ZNF540: variants seen among roughly 807,000 people sequenced by gnomAD.
ZNF540 encodes CTD-3064H18.6.
ZNF540 carries 3 observed loss-of-function variants against 11.8 expected under a neutral mutation model. The observed-to-expected ratio is 0.25, with a 90% confidence interval of 0.12 to 0.65. The LOEUF (loss-of-function observed/expected upper bound fraction) is 0.65, where lower values mean the gene tolerates loss of function less well. Among genes scored for constraint, ZNF540 ranks in the 30% least tolerant of loss-of-function variants. ZNF540 has a pLI of 0.83. For synonymous variants in ZNF540, 247 were observed against 259.0 expected (o/e 0.95, Z 0.45); for missense variants, 709 against 793.1 (o/e 0.89, Z 1.27).
At chr19:37,555,593 T>TG (rs1365855626) in intron 1 of ZNF540, 5 of 335,764 alleles carry the variant, frequency 1.5e-5, no homozygotes, top group Admixed American at 9.0e-5. Flanking sequence ...CTCGAACTTT[T>TG]GGAGTGTATC....
intron 1 of ZNF540, among the ~76,000 whole-genome samples, chr19:37,582,116 A>G (rs895917396): frequency 8.5e-5 from 13 of 152,162 alleles, no homozygotes; most frequent in Non-Finnish European, 1.5e-5. Context: ...GGGTTCCTCA[A>G]ATGGGCCTTC....
At chr19:37,551,855 A>G (rs2042609621) in intron 1 of ZNF540, among the ~76,000 whole-genome samples, 1 of 151,192 alleles carries the variant, frequency 6.6e-6, no homozygotes, top group Non-Finnish European at 1.5e-5. Context: ...TGTCTGGTGA[A>G]AAGAATGTGT....
chr19:37,575,324 A>G (rs2043206511), intron 1 of ZNF540, among the ~76,000 whole-genome samples: 2 of 152,248 alleles, frequency 1.3e-5, no homozygotes, highest in South Asian at 4.1e-4. Context: ...CATGCATATA[A>G]GCATATACAT....
At position 37,565,268 on chromosome 19, in the gene ZNF540, C is replaced by G. The variant is rs145916801; in HGVS notation, c.-73+13603C>G. On this transcript the variant is annotated intron_variant, in intron 1 of 4. Coordinates refer to the ZNF540 transcript ENST00000592533. ...TTCTTTGCATTTATAAGGTCTCTCACCTGAATGAACTCTCAGGTGGTAAGT... is the reference window on the plus strand; with the variant it reads ...TTCTTTGCATTTATAAGGTCTCTCAGCTGAATGAACTCTCAGGTGGTAAGT... The G allele has an allele frequency of 7.8e-5, 126 of 1,611,300 alleles. No individual in the cohort carries two copies. The highest frequency in any genetic ancestry group is 2.2e-5 in the East Asian group (1 of 44,838).
chr19:37,597,139 A>G lies in ZNF540; in HGVS notation c.-72-1237A>G, dbSNP rs540423738. On this transcript the variant is annotated intron_variant, in intron 1 of 4. Coordinates refer to ENST00000316433, the MANE Select transcript of ZNF540 (RefSeq NM_001172225.3). ...TGTTCTAAGGATTAAATAGCTATAT[A>G]TAAGGTATGCATCACATAAAAGTTG... 7.9e-5 allele frequency among the ~76,000 whole-genome samples: 12 copies of G among 152,190 alleles called. No homozygotes were observed. In the East Asian group the frequency reaches 2.3e-3, roughly 29 times the overall value.
At chr19:37,604,920 A>T (rs1283495306) in intron 4 of ZNF540, among the ~76,000 whole-genome samples, 1 of 152,082 alleles carries the variant, frequency 6.6e-6, no homozygotes, top group Non-Finnish European at 1.5e-5. Flanking sequence ...TACTACTTCT[A>T]CTTCTGATAT....
At chr19:37,562,318 T>C (rs1600446532) in intron 1 of ZNF540, 1 of 151,534 alleles carries the variant, frequency 6.6e-6, no homozygotes, top group South Asian at 2.1e-4. Flanking sequence ...GGGGTGGAGG[T>C]TGCAATGAGC....
intron 1 of ZNF540, among the ~76,000 whole-genome samples, chr19:37,572,466 A>G (rs1172285474): frequency 1.3e-5 from 2 of 152,210 alleles, no homozygotes; most frequent in Admixed American, 6.5e-5. Context: ...TAATTTTGCC[A>G]TTATCCAAAT....
chr19:37,563,740 T>C (rs1458293661), intron 1 of ZNF540: 8 of 151,234 alleles, frequency 5.3e-5, no homozygotes, highest in African/African-American at 1.7e-4. Flanking sequence ...GTGGAATATA[T>C]ACACATGTGG....
At chr19:37,560,525 C>G (rs1163357261) in intron 1 of ZNF540, 1 of 151,742 alleles carries the variant, frequency 6.6e-6, no homozygotes, top group African/African-American at 2.4e-5. Flanking sequence ...GCATGTGCCA[C>G]CACACCTGGC....
intron 1 of ZNF540, chr19:37,566,266 T>C (rs539469360): frequency 6.2e-7 from 1 of 1,612,538 alleles, no homozygotes; most frequent in East Asian, 2.2e-5. Flanking sequence ...GAGATAACTT[T>C]TTGGTCACAC....
At chr19:37,582,992 A>G (rs1010015964) in intron 1 of ZNF540, among the ~76,000 whole-genome samples, 60 of 152,162 alleles carry the variant, frequency 3.9e-4, no homozygotes, top group African/African-American at 1.3e-3. Flanking sequence ...GCAACAACCA[A>G]CAAGGTCCTA....
intron 1 of ZNF540, among the ~76,000 whole-genome samples, chr19:37,573,531 T>C (rs922802016): frequency 6.6e-6 from 1 of 152,064 alleles, no homozygotes; most frequent in African/African-American, 2.4e-5. Context: ...ATCTACTAAT[T>C]GAAAATAAAA....
At chr19:37,584,246 A>G in intron 1 of ZNF540, 1 of 953,836 alleles carries the variant, frequency 1.0e-6, no homozygotes, top group Non-Finnish European at 1.5e-6. Context: ...CTGATTCTCT[A>G]TCATTCCTAT....
rs2044149047 is a variant in ZNF540 at position 37,613,412 on chromosome 19, A to G, written c.*149A>G. ...ATACCTCTTAGTTCTCATTAAATTT[A>G]GGAAAATTCACACTAGAAAATAAAG... On this transcript the variant is annotated 3_prime_UTR_variant, in exon 5 of 5. Transcript: ENST00000316433. 6 of 556,600 alleles carry G rather than the reference A, an allele frequency of 1.1e-5. No individual in the cohort carries two copies. The East Asian group carries it at 1.9e-4, about 17-fold the overall frequency. The allele number at this position is 556,600 out of a possible 1,614,324, so 34.5% of individuals were successfully genotyped here.
At chr19:37,592,845 G>A (rs759444328), upstream of ZNF540, among the ~76,000 whole-genome samples, 4 of 152,152 alleles carry the variant, frequency 2.6e-5, no homozygotes, top group Non-Finnish European at 4.4e-5. Flanking sequence ...AATATTCTAC[G>A]GGACAGATGA....
intron 1 of ZNF540, chr19:37,562,565 T>C (rs1319348452): frequency 6.6e-6 from 1 of 152,174 alleles, no homozygotes; most frequent in Non-Finnish European, 1.5e-5. Flanking sequence ...ACTGTAGGCA[T>C]TGATTGATTG....
Position 37,612,997 on chromosome 19 carries a change from C to G in ZNF540, c.1717C>G (p.His573Asp), listed in dbSNP as rs765861116. 6.2e-7 allele frequency: 1 copy of G among 1,614,138 alleles called. No individual in the cohort carries two copies. Among genetic ancestry groups the G allele is most frequent in the African/African-American group, 1.3e-5 (1 of 75,034 alleles). The change falls in exon 5 of 5, where the codon CAT becomes GAT. Residue 573 changes from histidine to aspartate, a missense_variant. By Grantham distance (81) the His-to-Asp change is moderately conservative. Transcript: ENST00000316433. ...GCAGTTCACTGAACATCAGAAAATT[C>G]ATACGGGTGTAAAACCATACAAATG... Reference protein sequence around the residue: ...RGQFTEHQKIHTGVKPYKCKE... With the variant: ...RGQFTEHQKIDTGVKPYKCKE...
chr19:37,565,260 GTC>G (rs913683439), intron 1 of ZNF540: 4 of 1,611,738 alleles, frequency 2.5e-6, no homozygotes, highest in Non-Finnish European at 1.7e-6. Flanking sequence ...CATTTATAAG[GTC>G]TCTCACCTGA....
Sources: allele counts gnomAD v4.1 joint callset (sites outside exome capture counted in the v4.1 genomes callset), GRCh38; gene constraint gnomAD v4.1.1; transcripts MANE v1.5; gene names NCBI Gene and HGNC (gene_info 2026-07-23, HGNC 2026-07-21).